The following DMD variants were observed in gnomAD, a reference collection of about 807,000 sequenced individuals.
The protein encoded by DMD is mutant dystrophin.
A neutral mutation model predicts 330.1 loss-of-function variants in DMD; 63 were observed. The observed-to-expected ratio is 0.19, with a 90% CI of 0.16 to 0.24. The LOEUF (loss-of-function observed/expected upper bound fraction) is 0.24. Ranked by LOEUF, DMD falls within the 10% of genes least tolerant of loss-of-function variation. DMD has a pLI of 1.00. For synonymous variants in DMD, 1,223 were observed against 959.8 expected (o/e 1.27, Z -5.07); for missense variants, 3,344 against 2,684.1 (o/e 1.25, Z -5.43).
intron 29 of DMD, 72 bp downstream of exon 29, chrX:32,438,169 T>G (rs1246900876): frequency 9.5e-5 from 104 of 1,093,916 alleles, no homozygotes; most frequent in Non-Finnish European, 1.3e-4. Flanking sequence ...TTGCTCATTT[T>G]ATCTGAGAGG....
At position 32,761,405 on chromosome X, in the gene DMD, A is replaced by G. The variant is rs759025146; in HGVS notation, c.649+48088T>C. 2.7e-5 allele frequency among the ~76,000 whole-genome samples: 3 copies of G among 112,139 alleles called. No homozygotes were observed. In the South Asian group the frequency reaches 1.1e-3, roughly 41 times the overall value. ...ACAATCATAGAGTCTGAGGACTTTT[A>G]ATCATTACTATTTTCACAGCTTTTG... On this transcript the variant is annotated intron_variant, in intron 7 of 78. Transcript: ENST00000357033.
At chrX:31,640,732 T>C (rs982332389) in intron 54 of DMD, among the ~76,000 whole-genome samples, 2 of 112,380 alleles carry the variant, frequency 1.8e-5, no homozygotes, top group Non-Finnish European at 3.8e-5. Flanking sequence ...TGTAATTCTG[T>C]AAATTACTTC....
chrX:33,009,985 T>TGTATATATAC (rs1460080088), intron 2 of DMD, among the ~76,000 whole-genome samples: 4 of 60,685 alleles, frequency 6.6e-5, no homozygotes, highest in African/African-American at 2.0e-4. Flanking sequence ...TATACACATG[T>TGTATATATAC]GTGTATATAC....
At chrX:32,189,759 C>T (rs771042144) in intron 44 of DMD, among the ~76,000 whole-genome samples, 2 of 110,878 alleles carry the variant, frequency 1.8e-5, no homozygotes, top group African/African-American at 3.3e-5. Flanking sequence ...CCAAAGGTCA[C>T]GTGGGTGGCA....
At chrX:32,261,703 A>C (rs1007756701) in intron 43 of DMD, among the ~76,000 whole-genome samples, 1 of 112,016 alleles carries the variant, frequency 8.9e-6, no homozygotes, top group African/African-American at 3.2e-5. Context: ...ATTTTGTTTC[A>C]ATGAATGGCT....
chrX:32,750,256 C>T (rs1220638573), intron 7 of DMD, among the ~76,000 whole-genome samples: 1 of 111,772 alleles, frequency 8.9e-6, no homozygotes, highest in East Asian at 2.8e-4. Flanking sequence ...CATTTTCAAA[C>T]TCTATCCATC....
chrX:31,784,301 T>C (rs968223860), intron 50 of DMD, among the ~76,000 whole-genome samples: 4 of 111,706 alleles, frequency 3.6e-5, no homozygotes, highest in Admixed American at 2.9e-4. Flanking sequence ...AATGAGATAT[T>C]ACCTCACAAC....
At chrX:32,136,446 T>C (rs1038186130) in intron 44 of DMD, among the ~76,000 whole-genome samples, 1 of 112,648 alleles carries the variant, frequency 8.9e-6, no homozygotes, top group Non-Finnish European at 1.9e-5. Context: ...AAGGCATATG[T>C]TCCTTTATGA....
At chrX:32,437,260 C>A (rs1603633460) in intron 29 of DMD, among the ~76,000 whole-genome samples, 1 of 111,870 alleles carries the variant, frequency 8.9e-6, no homozygotes, top group Non-Finnish European at 1.9e-5. Flanking sequence ...GATATGCCAC[C>A]CAGGATTCAA....
intron 18 of DMD, among the ~76,000 whole-genome samples, chrX:32,516,434 T>C (rs1284896580): frequency 9.0e-6 from 1 of 111,592 alleles, no homozygotes; most frequent in Non-Finnish European, 1.9e-5. Context: ...TGAGCACTTT[T>C]AGTCTGTCAT....
At chrX:32,562,948 C>A (rs745515159) in intron 16 of DMD, among the ~76,000 whole-genome samples, 2 of 111,725 alleles carry the variant, frequency 1.8e-5, no homozygotes, top group East Asian at 5.6e-4. Flanking sequence ...AAGAAAAACT[C>A]AAGCTTAGTG....
intron 52 of DMD, among the ~76,000 whole-genome samples, chrX:31,716,079 T>C (rs1327204294): frequency 8.9e-6 from 1 of 112,246 alleles, no homozygotes; most frequent in Non-Finnish European, 1.9e-5. Flanking sequence ...AGGCGAAACA[T>C]ATACTACATG....
At position 31,820,006 on chromosome X, in the gene DMD, G is replaced by A; in HGVS notation, c.7278C>T (p.Asp2426=). The A allele has an allele frequency of 8.3e-7, 1 of 1,211,438 alleles. No homozygotes were observed. Among genetic ancestry groups the A allele is most frequent in the East Asian group, 3.0e-5 (1 of 33,839 alleles). The change falls in exon 50 of 79, where the codon GAC becomes GAT. Residue 2426 remains aspartate (D), a synonymous_variant. Transcript: ENST00000357033. ...LLQELRAKQP[D]LAPGLTTIGA... is the part of the protein sequence containing the mutation. ...CAATAGTGGTCAGTCCAGGAGCTAG[G>A]TCAGGCTGCTTTGCCCTCAGCTCTT...
chrX:32,689,688 G>A (rs1603045697), intron 9 of DMD, among the ~76,000 whole-genome samples: 1 of 110,601 alleles, frequency 9.0e-6, no homozygotes, highest in Non-Finnish European at 1.9e-5. Flanking sequence ...CACATTAAAA[G>A]GATCATATAC....
At chrX:31,302,918 T>C (rs758301804) in intron 62 of DMD, among the ~76,000 whole-genome samples, 1 of 111,519 alleles carries the variant, frequency 9.0e-6, no homozygotes, top group South Asian at 3.8e-4. Context: ...TTAAGAGTTC[T>C]AGGAAATACA....
chrX:31,411,236 C>T (rs1029088710), intron 60 of DMD, among the ~76,000 whole-genome samples: 1 of 111,257 alleles, frequency 9.0e-6, no homozygotes, highest in African/African-American at 3.3e-5. Flanking sequence ...TACAACTTCC[C>T]ATAGGTAGCA....
intron 64 of DMD, among the ~76,000 whole-genome samples, chrX:31,212,427 T>C (rs1174801458): frequency 9.1e-6 from 1 of 109,574 alleles, no homozygotes; most frequent in African/African-American, 3.3e-5. Context: ...TCCTCTTTGC[T>C]GTGCAGGAAA....
intron 1 of DMD, among the ~76,000 whole-genome samples, chrX:33,120,412 G>T (rs935988013): frequency 2.7e-5 from 3 of 111,299 alleles, no homozygotes; most frequent in African/African-American, 6.5e-5. Context: ...CGTAGTTAAA[G>T]GTCGCTTCTG....
chrX:32,365,220 A>G, intron 34 of DMD, 21 bp from the exon 35 acceptor site: 1 of 1,202,455 alleles, frequency 8.3e-7, no homozygotes, highest in Non-Finnish European at 1.1e-6. Context: ...GAGAGCATTG[A>G]CCTTCAAGTA....
Sources: gnomAD v4.1 joint callset for allele counts (sites outside exome capture counted in the v4.1 genomes callset) on GRCh38, gnomAD v4.1.1 for gene constraint, MANE v1.5 for transcripts, NCBI Gene and HGNC (gene_info 2026-07-23, HGNC 2026-07-21) for gene names.